The following CEP128 variants were observed in gnomAD, a reference collection of about 807,000 sequenced individuals.
CEP128 encodes centrosomal protein 128.
A neutral mutation model predicts 156.7 loss-of-function variants in CEP128; 132 were observed. The observed-to-expected ratio is 0.84, with a 90% CI of 0.73 to 0.97. The LOEUF is 0.97. Ranked by LOEUF, CEP128 falls within the 50% of genes least tolerant of loss-of-function variation. CEP128 has a pLI of 0.00. For synonymous variants in CEP128, 469 were observed against 448.9 expected (o/e 1.04, Z -0.57); for missense variants, 1,252 against 1,281.9 (o/e 0.98, Z 0.36).
intron 1 of CEP128, among the ~76,000 whole-genome samples, chr14:80,940,003 G>A (rs1325771812): frequency 6.6e-6 from 1 of 152,082 alleles, no homozygotes; most frequent in Non-Finnish European, 1.5e-5. Context: ...AAATAAATAA[G>A]AATAAAATGC....
intron 19 of CEP128, among the ~76,000 whole-genome samples, chr14:80,660,126 T>C (rs1448911081): frequency 6.6e-6 from 1 of 152,136 alleles, no homozygotes; most frequent in Non-Finnish European, 1.5e-5. Context: ...TATACCATCA[T>C]AAGTTTATTT....
chr14:80,892,630 A>G (rs1889155366), intron 8 of CEP128, among the ~76,000 whole-genome samples: 1 of 152,050 alleles, frequency 6.6e-6, no homozygotes, highest in African/African-American at 2.4e-5. Context: ...AATTGAGAAA[A>G]ATATTGGCAA....
At chr14:80,836,175 T>C in intron 12 of CEP128, 30 bp downstream of exon 12, 1 of 1,608,576 alleles carries the variant, frequency 6.2e-7, no homozygotes, top group Middle Eastern at 1.7e-4. Flanking sequence ...ACACACATTA[T>C]CACATTATTA....
intron 19 of CEP128, among the ~76,000 whole-genome samples, chr14:80,606,882 TC>T: frequency 6.6e-6 from 1 of 152,060 alleles, no homozygotes; most frequent in Non-Finnish European, 1.5e-5. Context: ...CAAAAGGACT[TC>T]CCTGATCTAA....
chr14:80,819,967 T>C (rs909975075), intron 13 of CEP128, among the ~76,000 whole-genome samples: 6 of 152,148 alleles, frequency 3.9e-5, no homozygotes, highest in African/African-American at 1.4e-4. Flanking sequence ...AATTATATAA[T>C]CTAATCAGAC....
chr14:80,674,696 A>T (rs1199711011), intron 19 of CEP128, among the ~76,000 whole-genome samples: 1 of 151,762 alleles, frequency 6.6e-6, no homozygotes, highest in Non-Finnish European at 1.5e-5. Flanking sequence ...TGAAATAGAA[A>T]AAAGACAACA....
upstream of CEP128, chr14:80,942,268 A>G (rs1312007618): frequency 6.6e-6 from 1 of 152,202 alleles, no homozygotes; most frequent in Non-Finnish European, 1.5e-5. Context: ...TGGCCTGGAA[A>G]GAGTAAGGGA....
intron 13 of CEP128, among the ~76,000 whole-genome samples, chr14:80,818,905 TC>T (rs1566648862): frequency 6.6e-6 from 1 of 152,196 alleles, no homozygotes; most frequent in Non-Finnish European, 1.5e-5. Context: ...TATTATTCTG[TC>T]CTTGAAGGAC....
rs374169809 is a variant in CEP128 at position 80,622,715 on chromosome 14, C to G, written c.2807-42292G>C. ...CAAAAAACACATGAAAAAATGCTCACCATCACTGGCCATCAGAGAAATGCA... is the reference window on the plus strand; with the variant it reads ...CAAAAAACACATGAAAAAATGCTCAGCATCACTGGCCATCAGAGAAATGCA... On this transcript the variant is annotated intron_variant, in intron 19 of 24. Coordinates refer to ENST00000555265, the MANE Select transcript of CEP128 (RefSeq NM_152446.5). 3.3e-5 allele frequency among the ~76,000 whole-genome samples: 5 copies of G among 150,538 alleles called. No individual in the cohort carries two copies. The East Asian group carries it at 9.8e-4, about 29-fold the overall frequency.
At chr14:80,931,825 G>A (rs1885485526) in intron 2 of CEP128, among the ~76,000 whole-genome samples, 1 of 152,216 alleles carries the variant, frequency 6.6e-6, no homozygotes, top group African/African-American at 2.4e-5. Flanking sequence ...CAGAGATTTT[G>A]AAAGAGACTG....
At chr14:80,704,729 A>C (rs952140249) in intron 19 of CEP128, among the ~76,000 whole-genome samples, 1 of 146,162 alleles carries the variant, frequency 6.8e-6, no homozygotes, top group African/African-American at 2.4e-5. Context: ...TTTAGCCTAA[A>C]CTGATTCTGT....
chr14:80,840,771 G>A lies in CEP128; in HGVS notation c.763-3C>T. 2 of 1,591,096 alleles carry A rather than the reference G, an allele frequency of 1.3e-6. No homozygotes were observed. Among genetic ancestry groups the A allele is most frequent in the Non-Finnish European group, 1.7e-6 (2 of 1,163,190 alleles). ...TTAGCTTCTTGTTTCTTTAGTGCCT[G>A]GAATGAAAGAGGTGGAAAAAAATTA... is the stretch of plus-strand genomic sequence containing the variant. On this transcript the variant is annotated splice_polypyrimidine_tract_variant and splice_region_variant and intron_variant, in intron 9 of 24. Transcript: ENST00000555265.
At chr14:80,863,411 A>C (rs1037180241) in intron 8 of CEP128, among the ~76,000 whole-genome samples, 10 of 152,204 alleles carry the variant, frequency 6.6e-5, no homozygotes, top group Admixed American at 6.5e-4. Flanking sequence ...AAGCTATAAA[A>C]GATCAAAAAC....
At chr14:80,852,627 TAATA>T (rs1027807792) in intron 9 of CEP128, among the ~76,000 whole-genome samples, 38 of 151,786 alleles carry the variant, frequency 2.5e-4, no homozygotes, top group African/African-American at 7.7e-4. Context: ...CAAATTGACT[TAATA>T]AACAGGCTAT....
chr14:80,716,016 G>A (rs1250392735), intron 19 of CEP128, among the ~76,000 whole-genome samples: 1 of 152,206 alleles, frequency 6.6e-6, no homozygotes, highest in Admixed American at 6.5e-5. Context: ...CTGGATGAAT[G>A]TAAGAGTGGA....
chr14:80,655,350 C>G lies in CEP128; in HGVS notation c.2807-74927G>C, dbSNP rs78588936. Among the ~76,000 whole-genome samples, 413 of 152,236 alleles carry G rather than the reference C, an allele frequency of 2.7e-3. 11 individuals carry two copies. In the East Asian group the frequency reaches 0.057, roughly 21 times the overall value. On this transcript the variant is annotated intron_variant, in intron 19 of 24. Transcript: ENST00000555265. ...GCTATTGTCACACCCTATGTACATC[C>G]ATTAATTATGTCTTTTATGGTAATG...
chr14:80,617,602 G>C (rs1015652259), intron 19 of CEP128, among the ~76,000 whole-genome samples: 2 of 152,124 alleles, frequency 1.3e-5, no homozygotes, highest in Non-Finnish European at 2.9e-5. Flanking sequence ...CAAGATTGTT[G>C]TAAGCATTAA....
chr14:80,583,741 T>A (rs1413117587), intron 19 of CEP128, among the ~76,000 whole-genome samples: 1 of 152,222 alleles, frequency 6.6e-6, no homozygotes, highest in Non-Finnish European at 1.5e-5. Context: ...GGACTTCCAA[T>A]ACATAATTCT....
chr14:80,731,209 G>A (rs1306934513), intron 19 of CEP128, among the ~76,000 whole-genome samples: 2 of 152,190 alleles, frequency 1.3e-5, no homozygotes, highest in African/African-American at 4.8e-5. Flanking sequence ...GGTTGACAGA[G>A]TATTGCTGGT....
Sources: allele counts gnomAD v4.1 joint callset (sites outside exome capture counted in the v4.1 genomes callset), GRCh38; gene constraint gnomAD v4.1.1; transcripts MANE v1.5; gene names NCBI Gene and HGNC (gene_info 2026-07-23, HGNC 2026-07-21).